Variants in NMRK2 observed in about 807,000 individuals in gnomAD.
NMRK2 encodes the protein nicotinamide riboside kinase 2.
Under a neutral mutation model 24.7 loss-of-function variants are expected in NMRK2, and 34 were observed. The observed-to-expected ratio is 1.37, with a 90% CI of 1.05 to 1.83. The LOEUF is 1.83. Ranked by LOEUF, NMRK2 falls within the 40% of genes most tolerant of loss-of-function variation. The pLI is 0.00. For synonymous variants in NMRK2, 145 were observed against 125.6 expected (o/e 1.15, Z -1.03); for missense variants, 341 against 315.0 (o/e 1.08, Z -0.62).
intron 1 of NMRK2, 86 bp downstream of exon 1, chr19:3,933,264 A>C: frequency 5.6e-6 from 1 of 179,882 alleles, no homozygotes; most frequent in East Asian, 1.4e-4. Context: ...ATTTTTAGGG[A>C]GGGAAAAGTG....
rs546742820 is a variant in NMRK2 at position 3,940,138 on chromosome 19, G to A, written c.395+167G>A. On this transcript the variant is annotated intron_variant, in intron 6 of 7. Transcript: ENST00000168977. ...GAGGCAGGTGGATCACCTGAGGTCAGGAGTTCGAGACCAGCCTGGCCAACA... is the reference window on the plus strand; with the variant it reads ...GAGGCAGGTGGATCACCTGAGGTCAAGAGTTCGAGACCAGCCTGGCCAACA... Among the ~76,000 whole-genome samples, 4 of 151,954 alleles carry A rather than the reference G, an allele frequency of 2.6e-5. No homozygotes were observed. The South Asian group carries it at 6.2e-4, about 24-fold the overall frequency.
At chr19:3,935,779 A>T (rs1323557775) in intron 2 of NMRK2, among the ~76,000 whole-genome samples, 1 of 150,496 alleles carries the variant, frequency 6.6e-6, no homozygotes, top group East Asian at 2.0e-4. Flanking sequence ...GGGTCTTACT[A>T]TGTTGCCCAG....
intron 5 of NMRK2, 123 bp downstream of exon 5, chr19:3,938,882 C>G (rs1364201882): frequency 4.0e-6 from 3 of 753,624 alleles, no homozygotes; most frequent in South Asian, 2.5e-5. Context: ...GAGTTTTGCT[C>G]TTGTTGCCCA....
Position 3,942,385 on chromosome 19 carries a change from C to A in NMRK2, c.*112C>A. The A allele has an allele frequency of 1.1e-6, 1 of 911,396 alleles. No individual in the cohort carries two copies. Among genetic ancestry groups the A allele is most frequent in the Non-Finnish European group, 1.6e-6 (1 of 611,812 alleles). 56.5% of individuals were successfully genotyped at this position (911,396 alleles called of 1,614,324 possible). The stretch of plus-strand genomic sequence containing the variant: ...AGACGCCTCTGTAACCTCGCTGCAG[C>A]TTCAGTAGTAAACTGGGTCCTGTTT... On this transcript the variant is annotated 3_prime_UTR_variant, in exon 8 of 8. Transcript: ENST00000168977.
At chr19:3,939,348 A>T (rs1174617517) in intron 5 of NMRK2, among the ~76,000 whole-genome samples, 1 of 150,974 alleles carries the variant, frequency 6.6e-6, no homozygotes, top group African/African-American at 2.4e-5. Context: ...CCCTGTCTCT[A>T]CTAAAAATAC....
intron 2 of NMRK2, 92 bp from the exon 3 acceptor site, chr19:3,936,483 G>A (rs2039215605): frequency 1.3e-6 from 1 of 790,668 alleles, no homozygotes; most frequent in South Asian, 1.8e-5. Context: ...ACAGGCCCCG[G>A]GGAGCCCAGG....
Position 3,938,804 on chromosome 19 carries a change from C to T in NMRK2, c.323+45C>T, listed in dbSNP as rs758983981. 1.0e-4 allele frequency: 64 copies of T among 622,538 alleles called. 1 individual carries two copies. Among genetic ancestry groups the T allele is most frequent in the South Asian group, 3.8e-4 (14 of 37,068 alleles). 38.6% of individuals were successfully genotyped at this position (622,538 alleles called of 1,614,324 possible). A position where few individuals can be genotyped will look rare whatever the true frequency, so the allele number is the denominator to read the frequency against. The stretch of plus-strand genomic sequence containing the variant: ...GGCCCCAGGCATGGCCCTCTCTGGG[C>T]GGGTATAGCCATCTCTTGTTTTTTT... On this transcript the variant is annotated intron_variant, in intron 5 of 7. Coordinates refer to ENST00000168977, the MANE Select transcript of NMRK2 (RefSeq NM_170678.3).
chr19:3,939,916 T>C lies in NMRK2; in HGVS notation c.340T>C (p.Tyr114His), dbSNP rs1228104494. 2.5e-6 allele frequency: 4 copies of C among 1,613,496 alleles called. No homozygotes were observed. The highest frequency in any genetic ancestry group is 1.7e-6 in the Non-Finnish European group (2 of 1,179,658). ...LYSYKPLVDL[Y>H]SRRYFLTVPY... ...TCCGCCCAGGCCCCTGGTGGACTTG[T>C]ACAGCCGCCGGTACTTCCTGACCGT... The change falls in exon 6 of 8, where the codon TAC (tyrosine) becomes CAC (histidine). Residue 114 changes from tyrosine (Y) to histidine (H), a missense_variant. Physicochemically the swap from Tyr to His is moderately conservative, Grantham distance 83. Coordinates refer to ENST00000168977, the MANE Select transcript of NMRK2 (RefSeq NM_170678.3).
intron 2 of NMRK2, 137 bp downstream of exon 2, chr19:3,933,834 G>T: frequency 1.2e-6 from 1 of 828,790 alleles, no homozygotes; most frequent in Non-Finnish European, 1.7e-6. Flanking sequence ...AGAGTGCAGG[G>T]AGGATTTTCT....
chr19:3,938,190 TG>T (rs1302522768), intron 4 of NMRK2, among the ~76,000 whole-genome samples: 18 of 113,046 alleles, frequency 1.6e-4, no homozygotes, highest in African/African-American at 4.5e-4. Context: ...ACCCGTCCAC[TG>T]TTCCCCCAGG....
chr19:3,935,908 A>G (rs892608671), intron 2 of NMRK2, among the ~76,000 whole-genome samples: 4 of 151,628 alleles, frequency 2.6e-5, no homozygotes, highest in African/African-American at 9.7e-5. Flanking sequence ...CTGAGACTAA[A>G]TCAATTTCCT....
At chr19:3,933,207 A>C in intron 1 of NMRK2, 29 bp downstream of exon 1, 1 of 156,554 alleles carries the variant, frequency 6.4e-6, no homozygotes. Flanking sequence ...CGCCACGAGA[A>C]CCAGTCTTAA....
At chr19:3,937,788 G>T (rs2039240549) in intron 4 of NMRK2, among the ~76,000 whole-genome samples, 1 of 117,998 alleles carries the variant, frequency 8.5e-6, no homozygotes, top group Non-Finnish European at 1.8e-5. Flanking sequence ...TCCCCCCGGG[G>T]TCCGCCCTCC....
intron 2 of NMRK2, among the ~76,000 whole-genome samples, chr19:3,935,072 T>C (rs963760306): frequency 6.6e-6 from 1 of 151,808 alleles, no homozygotes; most frequent in African/African-American, 2.4e-5. Flanking sequence ...ATAATACAGA[T>C]GGGAGTCTCA....
In NMRK2 at chr19:3,934,298, C is replaced by T. The variant is rs193263919; in HGVS notation, c.26+601C>T. Among the ~76,000 whole-genome samples, 25 of 152,214 alleles carry T rather than the reference C, an allele frequency of 1.6e-4. 1 individual carries two copies. In the East Asian group the frequency reaches 4.3e-3, roughly 26 times the overall value. On this transcript the variant is annotated intron_variant, in intron 2 of 7. Transcript: ENST00000168977. Reference sequence around the variant, plus strand: ...ATTAACTAAAGCTCCAGTGAACCCTCCTCCCGCCTCGTGGCTGTCCTGGCT... The same window carrying T: ...ATTAACTAAAGCTCCAGTGAACCCTTCTCCCGCCTCGTGGCTGTCCTGGCT...
chr19:3,937,158 G>A (rs2039227987), intron 3 of NMRK2, 82 bp from the exon 4 acceptor site: 1 of 1,402,080 alleles, frequency 7.1e-7, no homozygotes. Flanking sequence ...TCCAGCAAGG[G>A]ACCCCCTAAG....
In NMRK2 at chr19:3,939,711, C is replaced by G. The variant is rs150650227; in HGVS notation, c.324-189C>G. 8.7e-3 allele frequency among the ~76,000 whole-genome samples: 1,317 copies of G among 152,148 alleles called. 19 individuals carry two copies. Among genetic ancestry groups the G allele is most frequent in the Non-Finnish European group, 0.015 (1,021 of 67,970 alleles). On this transcript the variant is annotated intron_variant, in intron 5 of 7. Transcript: ENST00000168977. Reference sequence around the variant, plus strand: ...TCCAAGTTGGAGAAGAAGCGTGATTCAATTTTGTGGGGGGCTGCTGCAGGG... The same window carrying G: ...TCCAAGTTGGAGAAGAAGCGTGATTGAATTTTGTGGGGGGCTGCTGCAGGG...
At chr19:3,935,637 T>C (rs996230339) in intron 2 of NMRK2, among the ~76,000 whole-genome samples, 1 of 151,902 alleles carries the variant, frequency 6.6e-6, no homozygotes, top group African/African-American at 2.4e-5. Context: ...TGAACTGCAG[T>C]GAGGTGATCA....
intron 7 of NMRK2, 87 bp from the exon 8 acceptor site, chr19:3,941,996 C>T (rs1333334512): frequency 1.8e-6 from 2 of 1,124,124 alleles, no homozygotes; most frequent in Admixed American, 4.2e-5. Context: ...TGCAGATCTC[C>T]TTGCTCCTGA....
Sources: allele counts gnomAD v4.1 joint callset (sites outside exome capture counted in the v4.1 genomes callset), GRCh38; gene constraint gnomAD v4.1.1; transcripts MANE v1.5; gene names NCBI Gene and HGNC (gene_info 2026-07-23, HGNC 2026-07-21).